The following PDE3B variants were observed in gnomAD, a reference collection of about 807,000 sequenced individuals.
PDE3B encodes the protein cGMP-inhibited 3',5'-cyclic phosphodiesterase 3B.
A neutral mutation model predicts 116.8 loss-of-function variants in PDE3B; 66 were observed. The ratio of observed to expected loss-of-function variants is 0.56; its 90% CI spans 0.46 to 0.69. The LOEUF is 0.69. PDE3B is among the 30% of genes least tolerant of loss of function. PDE3B has a pLI of 0.00. For synonymous variants in PDE3B, 595 were observed against 533.6 expected, an observed-to-expected ratio of 1.12 and a Z score of -1.59; for missense variants, 1,384 against 1,368.1, an observed-to-expected ratio of 1.01 and a Z score of -0.18.
At chr11:14,832,145 G>A (rs568728402) in intron 9 of PDE3B, among the ~76,000 whole-genome samples, 6 of 151,828 alleles carry the variant, frequency 4.0e-5, no homozygotes, top group East Asian at 1.9e-4. Context: ...ACCCAAGGCC[G>A]GATGATTCAT....
intron 1 of PDE3B, among the ~76,000 whole-genome samples, chr11:14,713,721 C>T (rs1855780099): frequency 6.6e-6 from 1 of 151,974 alleles, no homozygotes; most frequent in Non-Finnish European, 1.5e-5. Flanking sequence ...CACACACACA[C>T]ACACACTCAC....
chr11:14,685,528 T>C (rs1340968625), intron 1 of PDE3B, among the ~76,000 whole-genome samples: 1 of 139,304 alleles, frequency 7.2e-6, no homozygotes, highest in Admixed American at 8.1e-5. Context: ...CAATCTCGGC[T>C]CCCTGAAACC....
chr11:14,847,244 G>T (rs1470706012), intron 12 of PDE3B, among the ~76,000 whole-genome samples: 6 of 151,476 alleles, frequency 4.0e-5, no homozygotes, highest in Admixed American at 3.9e-4. Context: ...ATGACTACTG[G>T]GTACATAATG....
chr11:14,731,204 T>C (rs906085782), intron 1 of PDE3B, among the ~76,000 whole-genome samples: 2 of 152,106 alleles, frequency 1.3e-5, no homozygotes, highest in African/African-American at 4.8e-5. Flanking sequence ...CTATTTGTTA[T>C]ACCCTTCCAC....
downstream of PDE3B, among the ~76,000 whole-genome samples, chr11:14,876,063 T>G (rs1427461845): frequency 6.6e-6 from 1 of 152,212 alleles, no homozygotes; most frequent in African/African-American, 2.4e-5. Flanking sequence ...ATAGTCTACT[T>G]CAGTTCACTA....
intron 1 of PDE3B, among the ~76,000 whole-genome samples, chr11:14,754,644 C>T (rs1031798950): frequency 1.6e-4 from 24 of 151,932 alleles, no homozygotes; most frequent in African/African-American, 5.8e-4. Context: ...GTGGTGGGTG[C>T]CTTTAGTCCC....
chr11:14,833,680 A>G (rs1485742935), intron 10 of PDE3B, among the ~76,000 whole-genome samples: 1 of 152,178 alleles, frequency 6.6e-6, no homozygotes, highest in South Asian at 2.1e-4. Context: ...GTCTTTATAT[A>G]TTGTCTACAG....
At position 14,844,878 on chromosome 11, in the gene PDE3B, C is replaced by A. The variant is rs1479029231; in HGVS notation, c.2520+852C>A. On this transcript the variant is annotated intron_variant, in intron 12 of 15. Coordinates refer to ENST00000282096, the MANE Select transcript of PDE3B (RefSeq NM_000922.4). ...CCAACCACAGCCCAAGGAGGCCTGC[C>A]TGCCTCTGTAGGCTCCACCTCTGGG... Among the ~76,000 whole-genome samples, 6 of 152,310 alleles carry A rather than the reference C, an allele frequency of 3.9e-5. No individual in the cohort carries two copies. In the South Asian group the frequency reaches 1.0e-3, roughly 26 times the overall value.
intron 1 of PDE3B, among the ~76,000 whole-genome samples, chr11:14,708,163 A>G (rs1855586244): frequency 6.6e-6 from 1 of 152,054 alleles, no homozygotes; most frequent in Admixed American, 6.6e-5. Flanking sequence ...TGAGTTCTCC[A>G]TTAATTCCTG....
intron 1 of PDE3B, among the ~76,000 whole-genome samples, chr11:14,767,669 T>G (rs767565207): frequency 7.3e-5 from 11 of 151,412 alleles, no homozygotes; most frequent in Non-Finnish European, 1.3e-4. Flanking sequence ...TTTCAGCTTT[T>G]AAGAATATAA....
intron 1 of PDE3B, among the ~76,000 whole-genome samples, chr11:14,688,174 T>TCC (rs1854942206): frequency 6.8e-6 from 1 of 146,094 alleles, no homozygotes; most frequent in African/African-American, 2.5e-5. Flanking sequence ...TCTCTCTCTC[T>TCC]CCCTCTCCCC....
chr11:14,737,413 T>C (rs973092921), intron 1 of PDE3B, among the ~76,000 whole-genome samples: 28 of 152,208 alleles, frequency 1.8e-4, no homozygotes, highest in African/African-American at 6.7e-4. Flanking sequence ...TTAGCCAGGA[T>C]GGTCTCGATC....
At chr11:14,793,627 C>T (rs1227100821) in intron 4 of PDE3B, among the ~76,000 whole-genome samples, 1 of 152,110 alleles carries the variant, frequency 6.6e-6, no homozygotes, top group Non-Finnish European at 1.5e-5. Flanking sequence ...ATTCAGGGCT[C>T]ACAGGTCACT....
chr11:14,869,112 G>T (rs991903682), intron 15 of PDE3B, among the ~76,000 whole-genome samples: 1 of 152,026 alleles, frequency 6.6e-6, no homozygotes, highest in African/African-American at 2.4e-5. Context: ...TTAACTTTGG[G>T]TTATTTTCAT....
At position 14,806,858 on chromosome 11, in the gene PDE3B, C is replaced by CAAAAAAAA. The variant is rs953411145; in HGVS notation, c.1522+2823_1522+2830dup. ...TGGGCGACAGAGTGAGACTCCGTCT[C>CAAAAAAAA]AAAAAAAAAAAAAAAAAAAAAAGAA... is the stretch of plus-strand genomic sequence containing the variant. On this transcript the variant is annotated intron_variant, in intron 5 of 15. Coordinates refer to ENST00000282096, the MANE Select transcript of PDE3B (RefSeq NM_000922.4). Among the ~76,000 whole-genome samples the CAAAAAAAA allele has an allele frequency of 1.6e-3, 75 of 45,750 alleles. 2 individuals carry two copies. Among genetic ancestry groups the CAAAAAAAA allele is most frequent in the African/African-American group, 2.1e-3 (20 of 9,694 alleles). 30.0% of individuals were successfully genotyped at this position (45,750 alleles called of 152,430 possible).
rs1489766195 is a variant in PDE3B at position 14,773,065 on chromosome 11, T to A, written c.1029+1078T>A. Reference sequence around the variant, plus strand: ...TCTTCATGAACTCAGGGAAAAAATGTTCAACATATCACCACTAATGTTTTT... The same window carrying A: ...TCTTCATGAACTCAGGGAAAAAATGATCAACATATCACCACTAATGTTTTT... On this transcript the variant is annotated intron_variant, in intron 2 of 15. Coordinates refer to ENST00000282096, the MANE Select transcript of PDE3B (RefSeq NM_000922.4). 3 of 152,016 alleles carry A rather than the reference T, an allele frequency of 2.0e-5. No homozygotes were observed. The East Asian group carries it at 5.8e-4, about 29-fold the overall frequency. The allele number at this position is 152,016 out of a possible 1,614,324, so 9.4% of individuals were successfully genotyped here.
rs200748830 is a variant in PDE3B, at chr11:14,653,564, C to CA, written c.978+8520dup. Among the ~76,000 whole-genome samples the CA allele has an allele frequency of 3.4e-3, 495 of 147,746 alleles. 8 individuals are homozygous for CA. In the East Asian group the frequency reaches 0.042, roughly 13 times the overall value. On this transcript the variant is annotated intron_variant, in intron 1 of 15. Coordinates refer to ENST00000282096, the MANE Select transcript of PDE3B (RefSeq NM_000922.4). The stretch of plus-strand genomic sequence containing the variant: ...TGGGCGACAGAGCAAGACTCCGTCT[C>CA]AAAAAAAAACCAAAAAAACCAACAA...
chr11:14,647,517 A>G (rs1853443697), intron 1 of PDE3B, among the ~76,000 whole-genome samples: 1 of 152,032 alleles, frequency 6.6e-6, no homozygotes, highest in Non-Finnish European at 1.5e-5. Flanking sequence ...AAGATGTCAC[A>G]AACTAGTAGT....
chr11:14,785,592 T>C (rs992166059), intron 2 of PDE3B, among the ~76,000 whole-genome samples: 1 of 152,074 alleles, frequency 6.6e-6, no homozygotes, highest in African/African-American at 2.4e-5. Context: ...TAATTTACTG[T>C]TCTGATTACT....
Sources: gnomAD v4.1 joint callset for allele counts (sites outside exome capture counted in the v4.1 genomes callset) on GRCh38, gnomAD v4.1.1 for gene constraint, MANE v1.5 for transcripts, NCBI Gene and HGNC (gene_info 2026-07-23, HGNC 2026-07-21) for gene names.